EPHA6: variants seen among roughly 807,000 people sequenced by gnomAD.
EPHA6 encodes the protein ephrin type-A receptor 6.
A neutral mutation model predicts 112.0 loss-of-function variants in EPHA6; 50 were observed. The observed-to-expected ratio is 0.45, with a 90% CI of 0.36 to 0.56. The LOEUF (loss-of-function observed/expected upper bound fraction) is 0.56, where lower values mean the gene tolerates loss of function less well. Ranked by LOEUF, EPHA6 falls within the 20% of genes least tolerant of loss-of-function variation. The pLI is 0.00. For synonymous variants in EPHA6, 529 were observed against 490.7 expected (o/e 1.08, Z -1.03); for missense variants, 1,280 against 1,417.4 (o/e 0.90, Z 1.56).
intron 3 of EPHA6, among the ~76,000 whole-genome samples, chr3:97,158,064 T>C (rs1270312897): frequency 6.6e-6 from 1 of 152,138 alleles, no homozygotes; most frequent in East Asian, 1.9e-4. Context: ...TCCTAACATG[T>C]TACAGTTATC....
At chr3:96,952,321 A>G (rs2041578225) in intron 2 of EPHA6, among the ~76,000 whole-genome samples, 2 of 152,126 alleles carry the variant, frequency 1.3e-5, no homozygotes, top group African/African-American at 4.8e-5. Context: ...GTAATTGCCA[A>G]TGTAATGGTA....
intron 3 of EPHA6, among the ~76,000 whole-genome samples, chr3:97,156,113 T>A (rs1335904221): frequency 1.3e-5 from 2 of 152,204 alleles, no homozygotes; most frequent in African/African-American, 4.8e-5. Context: ...GAAGTTATTT[T>A]ATCAGCTCTG....
chr3:97,022,583 A>T (rs2044499557), intron 3 of EPHA6, among the ~76,000 whole-genome samples: 1 of 152,154 alleles, frequency 6.6e-6, no homozygotes, highest in Non-Finnish European at 1.5e-5. Context: ...GTGATATGAC[A>T]AGAGCGGGTA....
rs1244881700 is a variant in EPHA6, at chr3:96,879,507, A to C, written c.450+12618A>C. Among the ~76,000 whole-genome samples the C allele has an allele frequency of 2.0e-5, 3 of 152,204 alleles. No individual in the cohort carries two copies. The South Asian group carries it at 6.2e-4, about 32-fold the overall frequency. ...GGTCAATGTGGACAAAGTTAGAGTT[A>C]GGAGGAAAGAGTTTTGGTGTCCTAT... is the stretch of plus-strand genomic sequence containing the variant. On this transcript the variant is annotated intron_variant, in intron 2 of 17. Coordinates refer to ENST00000389672, the MANE Select transcript of EPHA6 (RefSeq NM_001080448.3).
intron 1 of EPHA6, among the ~76,000 whole-genome samples, chr3:96,826,208 T>C (rs1576066597): frequency 6.6e-6 from 1 of 152,078 alleles, no homozygotes; most frequent in East Asian, 1.9e-4. Flanking sequence ...TCTCTGATAG[T>C]AGATTATTTA....
intron 4 of EPHA6, among the ~76,000 whole-genome samples, chr3:97,243,288 C>G (rs1055854770): frequency 6.6e-6 from 1 of 151,856 alleles, no homozygotes; most frequent in African/African-American, 2.4e-5. Flanking sequence ...GCCATCATTT[C>G]TTGTCAGTGG....
intron 5 of EPHA6, among the ~76,000 whole-genome samples, chr3:97,375,403 A>G (rs1383446534): frequency 1.3e-5 from 2 of 152,148 alleles, no homozygotes; most frequent in East Asian, 3.9e-4. Context: ...ATTTTACCAC[A>G]TTCTCTTCTT....
chr3:97,014,291 T>C (rs1424468288), intron 3 of EPHA6, among the ~76,000 whole-genome samples: 1 of 152,118 alleles, frequency 6.6e-6, no homozygotes, highest in African/African-American at 2.4e-5. Context: ...GAATTTTACT[T>C]CCTTCCTTCC....
rs530529369 is a variant in EPHA6 at position 97,280,851 on chromosome 3, G to A, written c.1606+36564G>A. Among the ~76,000 whole-genome samples the A allele has an allele frequency of 1.3e-3, 191 of 152,208 alleles. 1 individual carries two copies. The highest frequency in any genetic ancestry group is 2.3e-3 in the Admixed American group (35 of 15,286). Reference sequence around the variant, plus strand: ...CTATTACCCTTTAATGTGTAACTATGAGCATATTAAACATGTCCCACAAGA... The same window carrying A: ...CTATTACCCTTTAATGTGTAACTATAAGCATATTAAACATGTCCCACAAGA... On this transcript the variant is annotated intron_variant, in intron 5 of 17. Coordinates refer to ENST00000389672, the MANE Select transcript of EPHA6 (RefSeq NM_001080448.3).
intron 3 of EPHA6, among the ~76,000 whole-genome samples, chr3:97,111,223 T>G (rs1018056101): frequency 1.3e-5 from 2 of 152,178 alleles, no homozygotes; most frequent in Non-Finnish European, 2.9e-5. Context: ...ATGTGGAATT[T>G]TCTTATAAAA....
chr3:97,166,571 G>A (rs781032864), intron 3 of EPHA6, among the ~76,000 whole-genome samples: 29 of 152,160 alleles, frequency 1.9e-4, no homozygotes, highest in Non-Finnish European at 2.6e-4. Flanking sequence ...ATATTTTAGC[G>A]TTTTTGAAGA....
At position 97,602,617 on chromosome 3, in the gene EPHA6, A is replaced by C. The variant is rs574319208; in HGVS notation, c.2513-8176A>C. On this transcript the variant is annotated intron_variant, in intron 12 of 17. Transcript: ENST00000389672. ...TGCTTAAACTCTCAGTGCATCAGTAACCTTACCTGTTAAATTGAGCTAATA... is the reference window on the plus strand; with the variant it reads ...TGCTTAAACTCTCAGTGCATCAGTACCCTTACCTGTTAAATTGAGCTAATA... 2.0e-5 allele frequency among the ~76,000 whole-genome samples: 3 copies of C among 152,154 alleles called. No homozygotes were observed. The South Asian group carries it at 6.2e-4, about 32-fold the overall frequency.
intron 6 of EPHA6, among the ~76,000 whole-genome samples, chr3:97,421,323 C>T (rs1032143107): frequency 2.6e-5 from 4 of 152,060 alleles, no homozygotes; most frequent in African/African-American, 7.2e-5. Context: ...AGTAAGGTGT[C>T]TCGCTCTGCA....
At chr3:97,381,527 C>A (rs755713000) in intron 5 of EPHA6, among the ~76,000 whole-genome samples, 142 of 152,066 alleles carry the variant, frequency 9.3e-4, no homozygotes, top group Non-Finnish European at 1.9e-3. Context: ...ACATTATACA[C>A]CCCTATTAGG....
intron 14 of EPHA6, chr3:97,648,239 A>G: frequency 1.3e-6 from 1 of 782,410 alleles, no homozygotes; most frequent in South Asian, 1.5e-5. Flanking sequence ...AATCTGCATA[A>G]TTACAGTTCT....
At chr3:97,434,942 C>A (rs1271569537) in intron 6 of EPHA6, among the ~76,000 whole-genome samples, 1 of 147,518 alleles carries the variant, frequency 6.8e-6, no homozygotes, top group South Asian at 2.3e-4. Flanking sequence ...TAAGGCTCCT[C>A]CTCCACATGA....
intron 10 of EPHA6, among the ~76,000 whole-genome samples, chr3:97,507,478 A>G (rs945778961): frequency 2.6e-5 from 4 of 152,114 alleles, no homozygotes; most frequent in African/African-American, 9.7e-5. Flanking sequence ...TTTGATTTGC[A>G]TATATTAAAC....
At chr3:97,655,907 A>G (rs539311880) in intron 14 of EPHA6, among the ~76,000 whole-genome samples, 3 of 152,114 alleles carry the variant, frequency 2.0e-5, no homozygotes, top group African/African-American at 7.2e-5. Flanking sequence ...AAAGTATAAT[A>G]AAAAAAGAAG....
chr3:96,943,988 T>C (rs895192898), intron 2 of EPHA6, among the ~76,000 whole-genome samples: 1 of 152,262 alleles, frequency 6.6e-6, no homozygotes, highest in African/African-American at 2.4e-5. Context: ...AATTGTATTA[T>C]ATCCATCAGT....
Sources: allele counts gnomAD v4.1 joint callset (sites outside exome capture counted in the v4.1 genomes callset), GRCh38; gene constraint gnomAD v4.1.1; transcripts MANE v1.5; gene names NCBI Gene and HGNC (gene_info 2026-07-23, HGNC 2026-07-21).